CEP41: variants seen among roughly 807,000 people sequenced by gnomAD.
CEP41 encodes the protein centrosomal protein of 41 kDa.
Under a neutral mutation model 44.3 loss-of-function variants are expected in CEP41, and 32 were observed. That is an observed-to-expected ratio of 0.72 (90% CI 0.54 to 0.97). The LOEUF (loss-of-function observed/expected upper bound fraction) is 0.97, where lower values mean the gene tolerates loss of function less well. Ranked by LOEUF, CEP41 falls within the 50% of genes least tolerant of loss-of-function variation. The probability of loss-of-function intolerance (pLI) is 0.00; values close to 1 mark genes in which losing one functional copy is unlikely to be tolerated. For synonymous variants in CEP41, 151 were observed against 168.5 expected (o/e 0.90, Z 0.80); for missense variants, 432 against 455.2 (o/e 0.95, Z 0.46).
intron 3 of CEP41, among the ~76,000 whole-genome samples, 182 bp downstream of exon 3, chr7:130,416,735 ATC>A (rs2117626381): frequency 6.6e-6 from 1 of 152,314 alleles, no homozygotes; most frequent in South Asian, 2.1e-4. Context: ...ACAGGCCACA[ATC>A]TGAGAAGCAG....
chr7:130,407,187 G>T (rs1348988694), intron 5 of CEP41, among the ~76,000 whole-genome samples: 4 of 150,108 alleles, frequency 2.7e-5, no homozygotes, highest in Admixed American at 6.7e-5. Context: ...TTTAACTTTT[G>T]TTCTTAATAC....
chr7:130,401,862 A>C lies in CEP41; in HGVS notation c.642+19T>G. The C allele has an allele frequency of 6.5e-7, 1 of 1,539,684 alleles. No homozygotes were observed. The highest frequency in any genetic ancestry group is 9.0e-7 in the Non-Finnish European group (1 of 1,112,556). On this transcript the variant is annotated intron_variant, in intron 8 of 10. Coordinates refer to ENST00000223208, the MANE Select transcript of CEP41 (RefSeq NM_018718.3). ...CAATCCTCATACCACCCAATTCCTTAAAATGCAACAAAGGATACATATTCA... is the reference window on the plus strand; with the variant it reads ...CAATCCTCATACCACCCAATTCCTTCAAATGCAACAAAGGATACATATTCA...
chr7:130,406,780 T>A (rs1554418300), intron 5 of CEP41, among the ~76,000 whole-genome samples: 1 of 150,302 alleles, frequency 6.7e-6, no homozygotes, highest in Non-Finnish European at 1.5e-5. Context: ...GGAAAAAAAA[T>A]CTCATATACA....
chr7:130,413,376 C>T (rs1450712789), intron 3 of CEP41, among the ~76,000 whole-genome samples: 2 of 152,048 alleles, frequency 1.3e-5, no homozygotes, highest in Non-Finnish European at 2.9e-5. Context: ...ATTAATAATA[C>T]AACTAATAAT....
rs1554414454 is a variant in CEP41 at position 130,396,208 on chromosome 7, A to G, written c.*2683T>C. 1 of 454,012 alleles carries G rather than the reference A, an allele frequency of 2.2e-6. No individual in the cohort carries two copies. Among genetic ancestry groups the G allele is most frequent in the East Asian group, 7.0e-5 (1 of 14,384 alleles). The allele number at this position is 454,012 out of a possible 1,614,324, so 28.1% of individuals were successfully genotyped here. A position where few individuals can be genotyped will look rare whatever the true frequency, so the allele number is the denominator to read the frequency against. On this transcript the variant is annotated 3_prime_UTR_variant, in exon 11 of 11. Transcript: ENST00000223208. ...AGGGTGCTGTAGTTGTACATCGATG[A>G]AGCACCTTCTGTCTCAGGGTTCACA...
intron 1 of CEP41, among the ~76,000 whole-genome samples, chr7:130,431,978 C>T (rs533287566): frequency 1.3e-5 from 2 of 152,276 alleles, no homozygotes; most frequent in South Asian, 4.1e-4. Flanking sequence ...GTGCTACTGG[C>T]ATCTTAGTGG....
At chr7:130,412,730 T>C (rs1336492408) in intron 3 of CEP41, among the ~76,000 whole-genome samples, 2 of 152,148 alleles carry the variant, frequency 1.3e-5, no homozygotes, top group Non-Finnish European at 2.9e-5. Flanking sequence ...AAGAAAGCAA[T>C]ATTATTCCTG....
intron 3 of CEP41, 76 bp downstream of exon 3, chr7:130,416,843 C>T: frequency 8.8e-7 from 1 of 1,130,592 alleles, no homozygotes; most frequent in Non-Finnish European, 1.4e-6. Context: ...CTGTGGAACA[C>T]AATTGTTAGT....
chr7:130,405,155 GAAGT>G (rs1318619911), intron 5 of CEP41, among the ~76,000 whole-genome samples: 3 of 152,186 alleles, frequency 2.0e-5, no homozygotes, highest in South Asian at 2.1e-4. Flanking sequence ...ATCTCACCTT[GAAGT>G]AAGTACATGC....
At chr7:130,439,276 A>G (rs1798067978) in intron 1 of CEP41, among the ~76,000 whole-genome samples, 1 of 152,214 alleles carries the variant, frequency 6.6e-6, no homozygotes, top group Non-Finnish European at 1.5e-5. Flanking sequence ...TACATATGAG[A>G]TACAAAATAT....
At chr7:130,419,099 A>G (rs1225987861) in intron 2 of CEP41, 1 of 985,182 alleles carries the variant, frequency 1.0e-6, no homozygotes, top group Non-Finnish European at 1.2e-6. Flanking sequence ...GACCCTCACC[A>G]CAATGCAGGG....
rs1009822009 is a variant in CEP41, at chr7:130,396,273, G to A, written c.*2618C>T. On this transcript the variant is annotated 3_prime_UTR_variant, in exon 11 of 11. Transcript: ENST00000223208. The stretch of plus-strand genomic sequence containing the variant: ...GCAGCTAGTCAACCCCTGAGACGCT[G>A]GTAGGAAGCCATGATCCAGTTGTTG... The A allele has an allele frequency of 1.3e-5, 6 of 453,958 alleles. No individual in the cohort carries two copies. The highest frequency in any genetic ancestry group is 2.6e-5 in the Non-Finnish European group (6 of 226,782). 28.1% of individuals were successfully genotyped at this position (453,958 alleles called of 1,614,324 possible). A position where few individuals can be genotyped will look rare whatever the true frequency, so the allele number is the denominator to read the frequency against.
chr7:130,406,956 C>G (rs1797029556), intron 5 of CEP41, among the ~76,000 whole-genome samples: 1 of 151,034 alleles, frequency 6.6e-6, no homozygotes, highest in Non-Finnish European at 1.5e-5. Flanking sequence ...TACCCTAGAA[C>G]TTAAAGTATA....
chr7:130,437,789 G>GA (rs1798019022), intron 1 of CEP41, among the ~76,000 whole-genome samples: 1 of 115,418 alleles, frequency 8.7e-6, no homozygotes, highest in African/African-American at 3.3e-5. Flanking sequence ...AAAAAAAAAA[G>GA]AAAAAGAAAA....
rs1554414540 is a variant in CEP41 at position 130,396,392 on chromosome 7, GATTC to G, written c.*2495_*2498del. 2 of 454,282 alleles carry G rather than the reference GATTC, an allele frequency of 4.4e-6. No individual in the cohort carries two copies. Among genetic ancestry groups the G allele is most frequent in the East Asian group, 6.9e-5 (1 of 14,392 alleles). 28.1% of individuals were successfully genotyped at this position (454,282 alleles called of 1,614,324 possible). A position where few individuals can be genotyped will look rare whatever the true frequency, so the allele number is the denominator to read the frequency against. On this transcript the variant is annotated 3_prime_UTR_variant, in exon 11 of 11. Transcript: ENST00000223208. ...CCTGCCCTAATTGGACTGATTTCCT[GATTC>G]ATTTATTTTTTTTAAAAAATGCTTT...
chr7:130,408,061 TC>T (rs1797066945), intron 5 of CEP41, among the ~76,000 whole-genome samples: 1 of 152,050 alleles, frequency 6.6e-6, no homozygotes, highest in South Asian at 2.1e-4. Context: ...AGGAAGTCTT[TC>T]CCCCACCGAA....
Position 130,404,709 on chromosome 7 carries a change from C to T in CEP41, c.278-1G>A, listed in dbSNP as rs1796956272. ...GGGTCTGAAGCTGCAGAATCATTGT[C>T]TAATATTTACAAATGAAGAAATAAT... On this transcript the variant is annotated splice_acceptor_variant, in intron 5 of 10. Coordinates refer to ENST00000223208, the MANE Select transcript of CEP41 (RefSeq NM_018718.3). LOFTEE classifies it high-confidence loss of function. 4 of 1,604,730 alleles carry T rather than the reference C, an allele frequency of 2.5e-6. No individual in the cohort carries two copies. The highest frequency in any genetic ancestry group is 1.3e-5 in the African/African-American group (1 of 74,700).
chr7:130,394,968 T>C lies in CEP41; in HGVS notation c.*3923A>G, dbSNP rs1316384268. The C allele has an allele frequency of 2.2e-6, 1 of 454,100 alleles. No homozygotes were observed. Among genetic ancestry groups the C allele is most frequent in the South Asian group, 1.6e-5 (1 of 64,472 alleles). 28.1% of individuals were successfully genotyped at this position (454,100 alleles called of 1,614,324 possible). On this transcript the variant is annotated 3_prime_UTR_variant, in exon 11 of 11. Transcript: ENST00000223208. ...TGTTACACAGGTGAGAATTTGCTTC[T>C]GTACAGAACAAAGAGGATCAGCAAC... is the stretch of plus-strand genomic sequence containing the variant.
chr7:130,421,382 G>A, intron 2 of CEP41: 2 of 985,440 alleles, frequency 2.0e-6, no homozygotes, highest in Non-Finnish European at 1.2e-6. Context: ...TGGCTTGGAA[G>A]AGCAGAAAGC....
Sources: allele counts gnomAD v4.1 joint callset (sites outside exome capture counted in the v4.1 genomes callset), GRCh38; gene constraint gnomAD v4.1.1; transcripts MANE v1.5; gene names NCBI Gene and HGNC (gene_info 2026-07-23, HGNC 2026-07-21).